The following SCRIB variants were observed in gnomAD, a reference collection of about 807,000 sequenced individuals.
SCRIB encodes the protein protein scribble homolog.
A neutral mutation model predicts 170.0 loss-of-function variants in SCRIB; 72 were observed. The observed-to-expected ratio is 0.42, with a 90% CI of 0.35 to 0.52. SCRIB has a LOEUF of 0.52. Among genes scored for constraint, SCRIB ranks in the 20% least tolerant of loss-of-function variants. SCRIB has a pLI of 0.02. For missense variants in SCRIB, 2,475 were observed against 2,338.5 expected (o/e 1.06, Z -1.20); for synonymous variants, 1,298 against 1,044.3 (o/e 1.24, Z -4.68).
chr8:143,798,465 A>T (rs1426570877), intron 24 of SCRIB, among the ~76,000 whole-genome samples: 1 of 152,098 alleles, frequency 6.6e-6, no homozygotes, highest in Non-Finnish European at 1.5e-5. Flanking sequence ...TCTCAGTTGT[A>T]CCAGTGGTGT....
chr8:143,813,251 T>C (rs1469795109), intron 6 of SCRIB, 60 bp downstream of exon 6: 1 of 1,606,730 alleles, frequency 6.2e-7, no homozygotes, highest in Non-Finnish European at 8.5e-7. Flanking sequence ...GCTGTCCCCT[T>C]CTTTGCCCTT....
Position 143,812,509 on chromosome 8 carries a change from C to T in SCRIB, c.788-125G>A, listed in dbSNP as rs1023140951. The stretch of plus-strand genomic sequence containing the variant: ...AGCCCCTTCTGCCGCCGCCGTACTT[C>T]GGGAGGACCCTACCTACCTTGCCCC... On this transcript the variant is annotated intron_variant, in intron 8 of 36. Coordinates refer to ENST00000356994, the MANE Select transcript of SCRIB (RefSeq NM_182706.5). The T allele has an allele frequency of 5.3e-5, 40 of 756,618 alleles. No individual in the cohort carries two copies. The Middle Eastern group carries it at 8.0e-4, about 15-fold the overall frequency. 46.9% of individuals were successfully genotyped at this position (756,618 alleles called of 1,614,324 possible). A position where few individuals can be genotyped will look rare whatever the true frequency, so the allele number is the denominator to read the frequency against.
At chr8:143,807,640 T>C (rs1217121046) in intron 15 of SCRIB, 26 bp from the exon 16 acceptor site, 7 of 1,603,566 alleles carry the variant, frequency 4.4e-6, no homozygotes, top group Non-Finnish European at 6.0e-6. Flanking sequence ...CAGTGAGGCA[T>C]GCAGGTTAGC....
intron 28 of SCRIB, among the ~76,000 whole-genome samples, 158 bp downstream of exon 28, chr8:143,793,742 C>T (rs369294430): frequency 1.3e-5 from 2 of 152,240 alleles, no homozygotes; most frequent in South Asian, 2.1e-4. Flanking sequence ...GCCTTCCTCA[C>T]ACAGGAGGCC....
At chr8:143,804,877 G>A (rs782663148) in intron 20 of SCRIB, 52 bp from the exon 21 acceptor site, 46 of 1,530,358 alleles carry the variant, frequency 3.0e-5, no homozygotes, top group African/African-American at 1.6e-4. Flanking sequence ...GGGGACAGAG[G>A]GCGCGGGGCG....
rs1815692626 is a variant in SCRIB at position 143,811,042 on chromosome 8, G to A, written c.1137C>T (p.His379=). The A allele has an allele frequency of 6.2e-7, 1 of 1,612,450 alleles. No individual in the cohort carries two copies. The highest frequency in any genetic ancestry group is 8.5e-7 in the Non-Finnish European group (1 of 1,179,662). Residue 379 remains histidine (H), a synonymous_variant, in exon 11 of 37, where the codon CAC becomes CAT. Transcript: ENST00000356994. ...CCAGCCACAGGGCCTTGAGATTGAG[G>A]TGGGTGAGCGCGAACGGCAGACTCT... The part of the protein sequence containing the change: ...RLQSLPFALT[H]LNLKALWLAE...
intron 16 of SCRIB, 75 bp from the exon 17 acceptor site, chr8:143,807,088 AGCAC>A: frequency 9.5e-7 from 1 of 1,056,442 alleles, no homozygotes; most frequent in Non-Finnish European, 1.4e-6. Context: ...AGACCCCACC[AGCAC>A]GCAGATGCCA....
At position 143,795,534 on chromosome 8, in the gene SCRIB, A is replaced by C; in HGVS notation, c.3604-4T>G. The C allele has an allele frequency of 6.2e-7, 1 of 1,608,720 alleles. No individual in the cohort carries two copies. The highest frequency in any genetic ancestry group is 1.3e-5 in the African/African-American group (1 of 74,888). ...TGGCAATGACACCTGGGGACACCTG[A>C]GAAGAGGGGTGTGGGCTAAGAAGGG... On this transcript the variant is annotated splice_region_variant and splice_polypyrimidine_tract_variant and intron_variant, in intron 24 of 36. Coordinates refer to ENST00000356994, the MANE Select transcript of SCRIB (RefSeq NM_182706.5).
intron 9 of SCRIB, 133 bp downstream of exon 9, chr8:143,812,133 G>A: frequency 1.2e-5 from 9 of 739,870 alleles, no homozygotes; most frequent in Non-Finnish European, 2.0e-5. Flanking sequence ...TCTGACAAGA[G>A]AAGAGCCCTT....
intron 24 of SCRIB, among the ~76,000 whole-genome samples, chr8:143,796,534 C>T (rs1052001715): frequency 1.1e-4 from 16 of 152,084 alleles, no homozygotes; most frequent in African/African-American, 3.9e-4. Context: ...TCAGAGCTGT[C>T]GAGCAGGCAG....
intron 14 of SCRIB, 62 bp downstream of exon 14, chr8:143,809,489 G>T: frequency 6.5e-7 from 1 of 1,547,728 alleles, no homozygotes; most frequent in Non-Finnish European, 8.8e-7. Context: ...CTGAGGCCCC[G>T]CAGGGGAGGC....
intron 24 of SCRIB, among the ~76,000 whole-genome samples, chr8:143,797,674 G>A (rs1815001375): frequency 6.6e-6 from 1 of 152,348 alleles, no homozygotes; most frequent in East Asian, 1.9e-4. Flanking sequence ...ACACGCTGAA[G>A]CCTGTGAGGA....
Position 143,811,193 on chromosome 8 carries a change from C to A in SCRIB, c.1059G>T (p.Glu353Asp). The A allele has an allele frequency of 6.2e-7, 1 of 1,611,390 alleles. No homozygotes were observed. The highest frequency in any genetic ancestry group is 1.1e-5 in the South Asian group (1 of 90,760). ...RDNRLAVLPP[E>D]LAHTTELHVL... Reference sequence around the variant, plus strand: ...CGTGCAGCTCTGTCGTGTGGGCCAGCTCTGGTGGCAGGACGGCCAGGCGGT... The same window carrying A: ...CGTGCAGCTCTGTCGTGTGGGCCAGATCTGGTGGCAGGACGGCCAGGCGGT... The change falls in exon 10 of 37, where the codon GAG becomes GAT. Residue 353 changes from glutamate to aspartate, a missense_variant. Coordinates refer to ENST00000356994, the MANE Select transcript of SCRIB (RefSeq NM_182706.5).
intron 24 of SCRIB, among the ~76,000 whole-genome samples, chr8:143,798,116 T>C (rs1815019080): frequency 6.6e-6 from 1 of 152,056 alleles, no homozygotes; most frequent in Non-Finnish European, 1.5e-5. Context: ...AACAGATTTT[T>C]TCGGTGGCAG....
Position 143,810,502 on chromosome 8 carries a change from C to G in SCRIB, c.1507G>C (p.Gly503Arg). ...SEACPCQPDSGSPLPAEEEKR... is the reference protein window; with the variant it reads ...SEACPCQPDSRSPLPAEEEKR... ...ACCTCCTCTGCAGGCAAGGGCGACC[C>G]AGAGTCTGGCTGGCAAGGGCAGGCC... The change falls in exon 13 of 37, where the codon GGG (glycine) becomes CGG (arginine). Residue 503 changes from glycine to arginine, a missense_variant. Gly to Arg is a moderately radical substitution (Grantham distance 125). Around this residue, in one of 3 missense-constraint regions of SCRIB, gnomAD observed 1,966 missense variants for 1,742.9 expected, o/e 1.13. Transcript: ENST00000356994. 6.2e-7 allele frequency: 1 copy of G among 1,611,254 alleles called. No homozygotes were observed. Among genetic ancestry groups the G allele is most frequent in the Non-Finnish European group, 8.5e-7 (1 of 1,179,892 alleles).
chr8:143,811,183 T>C lies in SCRIB; in HGVS notation c.1069A>G (p.Thr357Ala), dbSNP rs141288263. The stretch of plus-strand genomic sequence containing the variant: ...ACGTCCAGCACGTGCAGCTCTGTCG[T>C]GTGGGCCAGCTCTGGTGGCAGGACG... The part of the protein sequence containing the change: ...LAVLPPELAH[T>A]TELHVLDVAG... Residue 357 changes from threonine to alanine, a missense_variant, in exon 10 of 37, where the codon ACG (threonine) becomes GCG (alanine). By Grantham distance (58) the Thr-to-Ala change is moderately conservative. Around this residue, in one of 3 missense-constraint regions of SCRIB, gnomAD observed 487 missense variants for 558.1 expected, o/e 0.87. Transcript: ENST00000356994. 6.2e-6 allele frequency: 10 copies of C among 1,610,894 alleles called. No homozygotes were observed. Among genetic ancestry groups the C allele is most frequent in the African/African-American group, 1.3e-5 (1 of 75,004 alleles).
intron 24 of SCRIB, among the ~76,000 whole-genome samples, chr8:143,798,120 G>C (rs1031281507): frequency 1.3e-5 from 2 of 152,094 alleles, no homozygotes; most frequent in Admixed American, 1.3e-4. Context: ...GATTTTTTCG[G>C]TGGCAGACGC....
In SCRIB at chr8:143,804,574, T is replaced by G; in HGVS notation, c.3003A>C (p.Pro1001=). 6.7e-7 allele frequency: 1 copy of G among 1,497,256 alleles called. No homozygotes were observed. Among genetic ancestry groups the G allele is most frequent in the South Asian group, 1.3e-5 (1 of 74,472 alleles). The allele number at this position is 1,497,256 out of a possible 1,614,324, so 92.7% of individuals were successfully genotyped here. A position where few individuals can be genotyped will look rare whatever the true frequency, so the allele number is the denominator to read the frequency against. The part of the protein sequence containing the change: ...LLAAALEGPY[P]VEEIRLPRAG... ...GTGGGGGCTTGTGTCTCACCTCCAC[T>G]GGGTATGGCCCTTCCAACGCGGCAG... Residue 1001 remains proline, a synonymous_variant, in exon 21 of 37, where the codon CCA becomes CCC. Coordinates refer to ENST00000356994, the MANE Select transcript of SCRIB (RefSeq NM_182706.5).
At chr8:143,791,569 GC>G in intron 35 of SCRIB, 96 bp downstream of exon 35, 1 of 1,537,128 alleles carries the variant, frequency 6.5e-7, no homozygotes, top group South Asian at 1.1e-5. Context: ...AAGAGGCAGG[GC>G]CACGGCAGAG....
Sources: gnomAD v4.1 joint callset for allele counts (sites outside exome capture counted in the v4.1 genomes callset) on GRCh38, gnomAD v4.1.1 for gene constraint, gnomAD v4.1.1 regional missense constraint, MANE v1.5 for transcripts, NCBI Gene and HGNC (gene_info 2026-07-23, HGNC 2026-07-21) for gene names.